Variants in NXPH1 observed in about 807,000 individuals in gnomAD.
NXPH1 encodes neurexophilin 1, also known as neurexophilin-1.
In NXPH1, 5 loss-of-function variants were observed where a neutral mutation model predicts 23.7. The ratio of observed to expected loss-of-function variants is 0.21; its 90% confidence interval spans 0.11 to 0.44. The LOEUF (loss-of-function observed/expected upper bound fraction) is 0.44, where lower values mean the gene tolerates loss of function less well. Among genes scored for constraint, NXPH1 ranks in the 20% least tolerant of loss-of-function variants. The pLI, the probability that NXPH1 is intolerant of heterozygous loss-of-function variation, is 0.99. For synonymous variants in NXPH1, 144 were observed against 122.2 expected, an observed-to-expected ratio of 1.18 and a Z score of -1.18; for missense variants, 324 against 321.6, an observed-to-expected ratio of 1.01 and a Z score of -0.06.
chr7:8,469,049 A>G (rs1407390720), intron 2 of NXPH1, among the ~76,000 whole-genome samples: 1 of 152,032 alleles, frequency 6.6e-6, no homozygotes, highest in Non-Finnish European at 1.5e-5. Context: ...ATAAATTTGA[A>G]GTTTACATAA....
chr7:8,654,299 A>T (rs926244577), intron 2 of NXPH1, among the ~76,000 whole-genome samples: 1 of 152,102 alleles, frequency 6.6e-6, no homozygotes, highest in Non-Finnish European at 1.5e-5. Context: ...TTTTTAGTTG[A>T]CATTTAGGAA....
intron 2 of NXPH1, among the ~76,000 whole-genome samples, chr7:8,544,498 T>C (rs1288415439): frequency 1.3e-5 from 2 of 151,634 alleles, no homozygotes; most frequent in Non-Finnish European, 1.5e-5. Context: ...CATGGAAGGA[T>C]GCTTGGCATT....
intron 2 of NXPH1, among the ~76,000 whole-genome samples, chr7:8,674,200 CA>C (rs770391303): frequency 0.22 from 31,288 of 144,700 alleles, 3,843 homozygotes; most frequent in Admixed American, 0.33. Context: ...CACACACACA[CA>C]CACCTATGCA....
intron 2 of NXPH1, among the ~76,000 whole-genome samples, chr7:8,736,966 T>TA (rs1375940165): frequency 2.0e-5 from 3 of 151,856 alleles, no homozygotes; most frequent in Admixed American, 6.6e-5. Flanking sequence ...TTTTTTTTTT[T>TA]ATGCTTTCCA....
chr7:8,533,181 A>G (rs1293578242), intron 2 of NXPH1, among the ~76,000 whole-genome samples: 1 of 152,126 alleles, frequency 6.6e-6, no homozygotes, highest in Non-Finnish European at 1.5e-5. Flanking sequence ...TTCAAACACC[A>G]CATATTTTAC....
Position 8,525,789 on chromosome 7 carries a change from C to T in NXPH1, c.54+90022C>T, listed in dbSNP as rs60495611. Among the ~76,000 whole-genome samples, 539 of 152,268 alleles carry T rather than the reference C, an allele frequency of 3.5e-3. 2 individuals carry two copies. The highest frequency in any genetic ancestry group is 0.012 in the African/African-American group (501 of 41,550). ...CACAGAAGTCAAGAACTGAGGTTTG[C>T]GAACCTCCACCTAGATTTCAGAATG... On this transcript the variant is annotated intron_variant, in intron 2 of 2. Coordinates refer to ENST00000405863, the MANE Select transcript of NXPH1 (RefSeq NM_152745.3).
At chr7:8,562,974 T>C (rs1382488515) in intron 2 of NXPH1, among the ~76,000 whole-genome samples, 1 of 151,760 alleles carries the variant, frequency 6.6e-6, no homozygotes, top group Non-Finnish European at 1.5e-5. Flanking sequence ...TCTAACATCA[T>C]GTTTTAGAAA....
intron 2 of NXPH1, among the ~76,000 whole-genome samples, chr7:8,612,414 T>C (rs1035168711): frequency 6.6e-6 from 1 of 151,988 alleles, no homozygotes; most frequent in African/African-American, 2.4e-5. Flanking sequence ...GAAGAGGAGA[T>C]ATAGTGCTAG....
At chr7:8,584,123 G>A (rs530259235) in intron 2 of NXPH1, among the ~76,000 whole-genome samples, 25 of 152,296 alleles carry the variant, frequency 1.6e-4, no homozygotes, top group South Asian at 6.2e-4. Context: ...GGTGAGGTAA[G>A]TACTATTATT....
chr7:8,727,967 T>C (rs1489780107), intron 2 of NXPH1, among the ~76,000 whole-genome samples: 1 of 151,730 alleles, frequency 6.6e-6, no homozygotes, highest in Non-Finnish European at 1.5e-5. Flanking sequence ...TTCCTACCCA[T>C]GAGCATGGAA....
At chr7:8,561,474 G>C (rs1174592959) in intron 2 of NXPH1, among the ~76,000 whole-genome samples, 1 of 151,204 alleles carries the variant, frequency 6.6e-6, no homozygotes, top group Non-Finnish European at 1.5e-5. Context: ...AAAGAATGTA[G>C]TAGTACATTT....
At chr7:8,739,765 T>G (rs1780329625) in intron 2 of NXPH1, among the ~76,000 whole-genome samples, 1 of 152,210 alleles carries the variant, frequency 6.6e-6, no homozygotes, top group Non-Finnish European at 1.5e-5. Context: ...ATTTTCTTTC[T>G]TTCCATCCTT....
chr7:8,694,738 A>C (rs1821278470), intron 2 of NXPH1, among the ~76,000 whole-genome samples: 1 of 152,196 alleles, frequency 6.6e-6, no homozygotes, highest in African/African-American at 2.4e-5. Flanking sequence ...CCTCTTTCCT[A>C]TCACAATATA....
intron 2 of NXPH1, among the ~76,000 whole-genome samples, chr7:8,745,684 C>A (rs942691196): frequency 4.0e-5 from 6 of 148,600 alleles, no homozygotes; most frequent in Admixed American, 1.3e-4. Context: ...TCCCTAGTTG[C>A]TGGGACTACA....
intron 2 of NXPH1, among the ~76,000 whole-genome samples, chr7:8,726,590 G>A (rs1780058314): frequency 6.8e-6 from 1 of 146,974 alleles, no homozygotes; most frequent in African/African-American, 2.5e-5. Context: ...GCAGTGTTTG[G>A]TTTTTTGTTC....
intron 2 of NXPH1, among the ~76,000 whole-genome samples, chr7:8,545,597 A>G (rs995568105): frequency 6.6e-6 from 1 of 151,486 alleles, no homozygotes; most frequent in Non-Finnish European, 1.5e-5. Flanking sequence ...CTATGTTTGA[A>G]ACAAAATACT....
At chr7:8,712,078 G>C (rs753235970) in intron 2 of NXPH1, among the ~76,000 whole-genome samples, 13 of 152,196 alleles carry the variant, frequency 8.5e-5, no homozygotes, top group Non-Finnish European at 1.6e-4. Context: ...GAGTCGAGAA[G>C]TGGAGCTTGA....
At chr7:8,583,963 T>C (rs1009313491) in intron 2 of NXPH1, among the ~76,000 whole-genome samples, 12 of 152,196 alleles carry the variant, frequency 7.9e-5, no homozygotes, top group African/African-American at 2.9e-4. Context: ...ATCTGCATGG[T>C]CTCTCACAGA....
In NXPH1 at chr7:8,523,013, A is replaced by G. The variant is rs187540725; in HGVS notation, c.54+87246A>G. ...TGGGCAAATACACTTTTTGTGCTCA[A>G]GCTTCCTCATCTGTAAAATGGGAAT... On this transcript the variant is annotated intron_variant, in intron 2 of 2. Transcript: ENST00000405863. Among the ~76,000 whole-genome samples, 202 of 152,358 alleles carry G rather than the reference A, an allele frequency of 1.3e-3. 1 individual carries two copies. Among genetic ancestry groups the G allele is most frequent in the African/African-American group, 4.4e-3 (184 of 41,590 alleles).
Sources: allele counts gnomAD v4.1 joint callset (sites outside exome capture counted in the v4.1 genomes callset), GRCh38; gene constraint gnomAD v4.1.1; transcripts MANE v1.5; gene names NCBI Gene and HGNC (gene_info 2026-07-23, HGNC 2026-07-21).